KALRN: variants seen among roughly 807,000 people sequenced by gnomAD.
The protein encoded by KALRN is kalirin RhoGEF kinase, also known as kalirin.
In KALRN, 70 loss-of-function variants were observed where a neutral mutation model predicts 353.7. The observed-to-expected ratio is 0.20, with a 90% CI of 0.16 to 0.24. The LOEUF (loss-of-function observed/expected upper bound fraction) is 0.24. Among genes scored for constraint, KALRN ranks in the 10% least tolerant of loss-of-function variants. KALRN has a pLI of 1.00. For synonymous variants in KALRN, 1,391 were observed against 1,434.8 expected, an observed-to-expected ratio of 0.97 and a Z score of 0.69; for missense variants, 2,791 against 3,756.7, an observed-to-expected ratio of 0.74 and a Z score of 6.72.
Position 124,405,711 on chromosome 3 carries a change from T to C in KALRN, c.2346+6840T>C, listed in dbSNP as rs546076064. Among the ~76,000 whole-genome samples, 367 of 148,658 alleles carry C rather than the reference T, an allele frequency of 2.5e-3. 2 individuals carry two copies. The highest frequency in any genetic ancestry group is 0.018 in the Middle Eastern group (5 of 274). On this transcript the variant is annotated intron_variant, in intron 13 of 59. Transcript: ENST00000682506. ...CAGGCTGGAGTGCAATGACACAATCTTGGCTCACTGCAAGCTCCACCTCCT... is the reference window on the plus strand; with the variant it reads ...CAGGCTGGAGTGCAATGACACAATCCTGGCTCACTGCAAGCTCCACCTCCT...
chr3:124,207,469 C>T (rs1263147220), intron 1 of KALRN, among the ~76,000 whole-genome samples: 1 of 152,186 alleles, frequency 6.6e-6, no homozygotes, highest in Non-Finnish European at 1.5e-5. Context: ...CATCAAACAG[C>T]GTGTTTGAGG....
chr3:124,441,289 A>G (rs919154739), intron 18 of KALRN, among the ~76,000 whole-genome samples: 4 of 152,220 alleles, frequency 2.6e-5, no homozygotes, highest in African/African-American at 9.6e-5. Context: ...GCTGAGGAAA[A>G]GTAGGCTGAG....
At chr3:124,333,117 A>G (rs117972750) in intron 8 of KALRN, among the ~76,000 whole-genome samples, 2,948 of 152,278 alleles carry the variant, frequency 0.019, 127 homozygotes, top group East Asian at 0.11. Flanking sequence ...TTATAAAACT[A>G]TCAGATCTCA....
At chr3:124,144,466 C>A (rs1335543118) in intron 1 of KALRN, among the ~76,000 whole-genome samples, 1 of 152,114 alleles carries the variant, frequency 6.6e-6, no homozygotes, top group African/African-American at 2.4e-5. Context: ...CACACCACTT[C>A]CTTGTCATTG....
chr3:124,232,820 C>T (rs1259477828), intron 2 of KALRN, among the ~76,000 whole-genome samples: 1 of 151,882 alleles, frequency 6.6e-6, no homozygotes, highest in Non-Finnish European at 1.5e-5. Context: ...TTTGAAAGCT[C>T]ATTCATTAAT....
In KALRN at chr3:124,660,948, C is replaced by T. The variant is rs924219935; in HGVS notation, c.6242C>T (p.Ala2081Val). The part of the protein sequence containing the change: ...LKDFLRYSEK[A>V]GLECSDIEKA... ...GACTTCCTGAGATACAGTGAGAAGG[C>T]TGGTTTGGAGTGTTCAGATATTGAG... The change falls in exon 44 of 60, where the codon GCT (alanine) becomes GTT (valine). Residue 2081 changes from alanine to valine, a missense_variant. Physicochemically the swap from Ala to Val is moderately conservative, Grantham distance 64. Transcript: ENST00000682506. 1 of 1,610,962 alleles carries T rather than the reference C, an allele frequency of 6.2e-7. No homozygotes were observed. Among genetic ancestry groups the T allele is most frequent in the Non-Finnish European group, 8.5e-7 (1 of 1,177,274 alleles).
chr3:124,092,712 C>T (rs561513643), intron 1 of KALRN, among the ~76,000 whole-genome samples: 19 of 152,216 alleles, frequency 1.2e-4, no homozygotes, highest in Admixed American at 5.9e-4. Context: ...TGGGCACCTA[C>T]GAGTTATCTG....
At chr3:124,482,768 C>A (rs1311138348) in intron 27 of KALRN, 40 bp from the exon 28 acceptor site, 2 of 1,325,184 alleles carry the variant, frequency 1.5e-6, no homozygotes, top group African/African-American at 1.4e-5. Context: ...CATGCACACA[C>A]CCCTCTGTGT....
At chr3:124,311,064 C>CTTTTTTTTTTTTTTTTTTTTTTTTTTTTT in intron 6 of KALRN, among the ~76,000 whole-genome samples, 1 of 67,500 alleles carries the variant, frequency 1.5e-5, no homozygotes, top group Non-Finnish European at 2.6e-5. Context: ...GATACTACTT[C>CTTTTTTTTTTTTTTTTTTTTTTTTTTTTT]TTTTTTTTTT....
rs548490375 is a variant in KALRN at position 124,384,943 on chromosome 3, C to T, written c.1869C>T (p.His623=). ...AGGAGATCTACAAGGCAGCTCGACA[C>T]CTGGAGGTGCGCATCCAAGACTTCG... ...DPEEIYKAAR[H]LEVRIQDFVR... Residue 623 remains histidine, a synonymous_variant, in exon 11 of 60, where the codon CAC becomes CAT. Transcript: ENST00000682506. 6.2e-7 allele frequency: 1 copy of T among 1,614,096 alleles called. No individual in the cohort carries two copies. Among genetic ancestry groups the T allele is most frequent in the South Asian group, 1.1e-5 (1 of 91,030 alleles).
At chr3:124,425,204 G>C (rs189317804) in intron 15 of KALRN, among the ~76,000 whole-genome samples, 65 of 152,226 alleles carry the variant, frequency 4.3e-4, no homozygotes, top group Non-Finnish European at 6.9e-4. Flanking sequence ...TTCTAGTGTG[G>C]TATAATACAG....
chr3:124,684,459 A>G (rs376911563), intron 51 of KALRN, among the ~76,000 whole-genome samples: 2 of 152,216 alleles, frequency 1.3e-5, no homozygotes, highest in African/African-American at 4.8e-5. Context: ...CAAAAACCAC[A>G]AAGGCAGTAT....
chr3:124,626,959 C>A (rs2080027475), intron 34 of KALRN, among the ~76,000 whole-genome samples: 1 of 152,164 alleles, frequency 6.6e-6, no homozygotes, highest in African/African-American at 2.4e-5. Flanking sequence ...ATAAATAACA[C>A]CTGCCTGGAC....
At chr3:124,454,643 T>C (rs953433496) in intron 21 of KALRN, among the ~76,000 whole-genome samples, 5 of 149,666 alleles carry the variant, frequency 3.3e-5, no homozygotes, top group Non-Finnish European at 5.9e-5. Flanking sequence ...GTCGCATCCG[T>C]GGATTCAACC....
At chr3:124,402,726 A>T (rs2091030789) in intron 13 of KALRN, among the ~76,000 whole-genome samples, 1 of 152,220 alleles carries the variant, frequency 6.6e-6, no homozygotes, top group Admixed American at 6.5e-5. Flanking sequence ...TCACTGCCTA[A>T]TAATTTCAAA....
At chr3:124,586,248 G>A (rs746611321) in intron 34 of KALRN, among the ~76,000 whole-genome samples, 1 of 152,206 alleles carries the variant, frequency 6.6e-6, no homozygotes, top group Non-Finnish European at 1.5e-5. Context: ...AAGCGCGGAG[G>A]AAGCAGGAAA....
chr3:124,147,455 T>C (rs945449794), intron 1 of KALRN, among the ~76,000 whole-genome samples: 2 of 152,216 alleles, frequency 1.3e-5, no homozygotes, highest in African/African-American at 4.8e-5. Flanking sequence ...GGACCTATCC[T>C]AGTTTGGGCC....
rs2093570531 is a variant in KALRN at position 124,438,880 on chromosome 3, T to C, written c.3049-8T>C. 2 of 1,603,454 alleles carry C rather than the reference T, an allele frequency of 1.2e-6. No homozygotes were observed. The highest frequency in any genetic ancestry group is 8.5e-7 in the Non-Finnish European group (1 of 1,172,502). On this transcript the variant is annotated splice_polypyrimidine_tract_variant and splice_region_variant and intron_variant, in intron 17 of 59. Coordinates refer to ENST00000682506, the MANE Select transcript of KALRN (RefSeq NM_001388419.1). ...ATTTACTGAGTCTTTTCTTCCATGATTCACTAGGTGTGTAGTGTCCTGGAG... is the reference window on the plus strand; with the variant it reads ...ATTTACTGAGTCTTTTCTTCCATGACTCACTAGGTGTGTAGTGTCCTGGAG...
At chr3:124,266,452 GTA>G (rs561959712) in intron 4 of KALRN, among the ~76,000 whole-genome samples, 80 of 152,176 alleles carry the variant, frequency 5.3e-4, no homozygotes, top group African/African-American at 1.8e-3. Flanking sequence ...TTTCTGGAGG[GTA>G]TATGTTTCCC....
Sources: gnomAD v4.1 joint callset for allele counts (sites outside exome capture counted in the v4.1 genomes callset) on GRCh38, gnomAD v4.1.1 for gene constraint, MANE v1.5 for transcripts, NCBI Gene and HGNC (gene_info 2026-07-23, HGNC 2026-07-21) for gene names.